Variants in PICALM observed in about 807,000 individuals in gnomAD.
PICALM encodes the protein phosphatidylinositol-binding clathrin assembly protein.
Under a neutral mutation model 80.5 loss-of-function variants are expected in PICALM, and 40 were observed. The observed-to-expected ratio is 0.50, with a 90% CI of 0.39 to 0.65. The LOEUF (loss-of-function observed/expected upper bound fraction) is 0.65. PICALM is among the 30% of genes least tolerant of loss of function. PICALM has a pLI of 0.00. For synonymous variants in PICALM, 288 were observed against 260.3 expected, an observed-to-expected ratio of 1.11 and a Z score of -1.02; for missense variants, 676 against 778.9, an observed-to-expected ratio of 0.87 and a Z score of 1.57.
chr11:85,958,720 C>T lies in PICALM; in HGVS notation c.*326G>A, dbSNP rs941204854. On this transcript the variant is annotated 3_prime_UTR_variant, in exon 20 of 20. Coordinates refer to ENST00000393346, the MANE Select transcript of PICALM (RefSeq NM_007166.4). ...AGGCAGCTTTTCCAAATACAAATTTCACACTTTCCAAATAAGGGCTTTTCT... is the reference window on the plus strand; with the variant it reads ...AGGCAGCTTTTCCAAATACAAATTTTACACTTTCCAAATAAGGGCTTTTCT... 7.1e-6 allele frequency: 2 copies of T among 281,670 alleles called. No homozygotes were observed. The highest frequency in any genetic ancestry group is 2.1e-5 in the African/African-American group (1 of 46,696). 17.4% of individuals were successfully genotyped at this position (281,670 alleles called of 1,614,324 possible).
intron 7 of PICALM, among the ~76,000 whole-genome samples, chr11:86,010,329 CTT>C (rs377755641): frequency 4.7e-4 from 66 of 140,898 alleles, no homozygotes; most frequent in Non-Finnish European, 4.8e-4. Flanking sequence ...GGAACAAAAG[CTT>C]TTTTTTTTTT....
intron 1 of PICALM, among the ~76,000 whole-genome samples, chr11:86,056,773 T>C (rs550893911): frequency 6.6e-6 from 1 of 152,288 alleles, no homozygotes; most frequent in African/African-American, 2.4e-5. Flanking sequence ...ACAACCCAAA[T>C]GTCCACCAAC....
intron 11 of PICALM, among the ~76,000 whole-genome samples, chr11:85,997,640 T>A (rs2095014723): frequency 6.6e-6 from 1 of 152,152 alleles, no homozygotes; most frequent in African/African-American, 2.4e-5. Flanking sequence ...CCGGCTAATT[T>A]TTGTATTTTT....
intron 4 of PICALM, among the ~76,000 whole-genome samples, chr11:86,020,424 G>GGA (rs1555096389): frequency 1.2e-4 from 11 of 94,248 alleles, no homozygotes; most frequent in East Asian, 4.6e-4. Flanking sequence ...ACAATCTTGG[G>GGA]AAAAAAAAAA....
At chr11:86,061,694 T>A (rs752441485) in intron 1 of PICALM, among the ~76,000 whole-genome samples, 1 of 151,750 alleles carries the variant, frequency 6.6e-6, no homozygotes, top group Non-Finnish European at 1.5e-5. Context: ...AGTTTAGAGG[T>A]TTCTTGCAAA....
intron 17 of PICALM, chr11:85,977,060 A>T (rs1224763293): frequency 1.3e-5 from 2 of 154,116 alleles, no homozygotes; most frequent in Admixed American, 1.3e-4. Context: ...AGTATTATTG[A>T]ATGTTTTCTT....
intron 19 of PICALM, among the ~76,000 whole-genome samples, chr11:85,962,064 G>C (rs1447487422): frequency 6.6e-6 from 1 of 152,098 alleles, no homozygotes; most frequent in Non-Finnish European, 1.5e-5. Flanking sequence ...AAGACAATGG[G>C]AAGAGACAAA....
chr11:86,069,332 A>C (rs1252219778), upstream of PICALM: 1 of 158,662 alleles, frequency 6.3e-6, no homozygotes, highest in African/African-American at 2.4e-5. Flanking sequence ...CCCTGCCAAC[A>C]GGTCGCCTGA....
At position 86,069,012 on chromosome 11, in the gene PICALM, G is replaced by A. The variant is rs1358831119; in HGVS notation, c.-232C>T. On this transcript the variant is annotated 5_prime_UTR_variant, in exon 1 of 20. Transcript: ENST00000393346. ...CGGGCACTCCCTTGCCCCCGCCTCA[G>A]TTCAGCCCACCCCTTCCCGGGTCAG... 8 of 537,884 alleles carry A rather than the reference G, an allele frequency of 1.5e-5. 1 individual carries two copies. In the East Asian group the frequency reaches 2.6e-4, roughly 18 times the overall value. 33.3% of individuals were successfully genotyped at this position (537,884 alleles called of 1,614,324 possible).
intron 1 of PICALM, among the ~76,000 whole-genome samples, chr11:86,053,870 G>C (rs554817617): frequency 6.6e-6 from 1 of 152,210 alleles, no homozygotes; most frequent in African/African-American, 2.4e-5. Flanking sequence ...ACCCATCCAA[G>C]ACTAACAAAG....
chr11:85,996,781 G>A (rs1286704953), intron 12 of PICALM, 45 bp downstream of exon 12: 4 of 1,051,418 alleles, frequency 3.8e-6, no homozygotes, highest in African/African-American at 1.6e-5. Flanking sequence ...AGAATGAGGA[G>A]GAGAGATGCA....
At chr11:86,007,947 C>T (rs1459440044) in intron 7 of PICALM, among the ~76,000 whole-genome samples, 1 of 150,072 alleles carries the variant, frequency 6.7e-6, no homozygotes, top group Non-Finnish European at 1.5e-5. Flanking sequence ...TGAACAAGCT[C>T]TTTGATGCAA....
intron 13 of PICALM, among the ~76,000 whole-genome samples, chr11:85,988,331 A>C (rs2094643969): frequency 6.6e-6 from 1 of 152,240 alleles, no homozygotes; most frequent in Non-Finnish European, 1.5e-5. Flanking sequence ...CAAGTGTTTA[A>C]TTAAGGCAAA....
chr11:86,065,420 C>T (rs572513504), intron 1 of PICALM, among the ~76,000 whole-genome samples: 2 of 151,194 alleles, frequency 1.3e-5, no homozygotes, highest in South Asian at 2.1e-4. Context: ...TCCAGCCTGG[C>T]GACAGAGCGA....
chr11:85,986,834 G>C (rs923408516), intron 13 of PICALM, among the ~76,000 whole-genome samples: 7 of 152,210 alleles, frequency 4.6e-5, no homozygotes, highest in Non-Finnish European at 7.3e-5. Flanking sequence ...TGAGCTCTGA[G>C]TTAAGGTTAA....
At chr11:85,993,759 C>T (rs745421309) in intron 12 of PICALM, among the ~76,000 whole-genome samples, 7 of 151,974 alleles carry the variant, frequency 4.6e-5, no homozygotes, top group Non-Finnish European at 1.0e-4. Context: ...TAATTTTATG[C>T]TACACTAGAG....
intron 8 of PICALM, among the ~76,000 whole-genome samples, chr11:86,006,320 A>G (rs1197992283): frequency 6.6e-6 from 1 of 152,172 alleles, no homozygotes; most frequent in African/African-American, 2.4e-5. Context: ...GAGTACAGAG[A>G]AACTCAATAA....
chr11:86,010,889 C>T (rs1367860273), intron 7 of PICALM, 141 bp downstream of exon 7: 3 of 582,604 alleles, frequency 5.1e-6, no homozygotes, highest in Admixed American at 3.7e-5. Flanking sequence ...CATATCTTGC[C>T]ACAGAATTCA....
At chr11:86,037,141 T>C (rs2095855800) in intron 1 of PICALM, among the ~76,000 whole-genome samples, 2 of 149,904 alleles carry the variant, frequency 1.3e-5, no homozygotes, top group African/African-American at 4.9e-5. Flanking sequence ...AGACAGGGTT[T>C]CACCATGTTG....
Sources: gnomAD v4.1 joint callset for allele counts (sites outside exome capture counted in the v4.1 genomes callset) on GRCh38, gnomAD v4.1.1 for gene constraint, MANE v1.5 for transcripts, NCBI Gene and HGNC (gene_info 2026-07-23, HGNC 2026-07-21) for gene names.